CCNI: variants seen among roughly 807,000 people sequenced by gnomAD.
CCNI encodes the protein cyclin I.
Under a neutral mutation model 34.1 loss-of-function variants are expected in CCNI, and 14 were observed. The observed-to-expected ratio is 0.41, with a 90% confidence interval of 0.27 to 0.64. The LOEUF (loss-of-function observed/expected upper bound fraction) is 0.64. CCNI is among the 30% of genes least tolerant of loss of function. The probability of loss-of-function intolerance (pLI) is 0.31; values close to 1 mark genes in which losing one functional copy is unlikely to be tolerated. For missense variants in CCNI, 385 were observed against 440.5 expected, an observed-to-expected ratio of 0.87 and a Z score of 1.13; for synonymous variants, 154 against 158.4, an observed-to-expected ratio of 0.97 and a Z score of 0.21.
At chr4:77,053,409 T>G (rs1708141615) in intron 6 of CCNI, among the ~76,000 whole-genome samples, 1 of 152,122 alleles carries the variant, frequency 6.6e-6, no homozygotes, top group Admixed American at 6.6e-5. Context: ...AAAGATTCTG[T>G]CAAATCCCAG....
intron 2 of CCNI, among the ~76,000 whole-genome samples, chr4:77,061,065 C>T (rs190989117): frequency 1.5e-4 from 23 of 152,204 alleles, no homozygotes; most frequent in African/African-American, 5.5e-4. Flanking sequence ...GGCCCATATA[C>T]CAGATAGTAA....
intron 1 of CCNI, among the ~76,000 whole-genome samples, chr4:77,073,118 C>T (rs1231216342): frequency 2.0e-5 from 3 of 152,340 alleles, no homozygotes; most frequent in East Asian, 3.9e-4. Flanking sequence ...TTGTTGGTTA[C>T]ATCCAACTTT....
chr4:77,048,354 G>C lies in CCNI; in HGVS notation c.999C>G (p.Phe333Leu). Residue 333 changes from phenylalanine (F) to leucine (L), a missense_variant, in exon 7 of 7, where the codon TTC (phenylalanine) becomes TTG (leucine). By Grantham distance (22) the Phe-to-Leu change is conservative. Transcript: ENST00000237654. The part of the protein sequence containing the change: ...RKVEEMEVDD[F>L]YDGIKRLYNE... ...TATAGAGCCGTTTGATTCCATCATA[G>C]AAGTCATCCACTTCCATTTCCTCTA... 6.2e-7 allele frequency: 1 copy of C among 1,605,986 alleles called. No individual in the cohort carries two copies. Among genetic ancestry groups the C allele is most frequent in the Non-Finnish European group, 8.5e-7 (1 of 1,174,122 alleles).
intron 2 of CCNI, among the ~76,000 whole-genome samples, chr4:77,060,554 C>T (rs1199959921): frequency 6.6e-6 from 1 of 151,586 alleles, no homozygotes; most frequent in African/African-American, 2.4e-5. Context: ...ACCTCCCAGC[C>T]CCAAGTGATC....
intron 2 of CCNI, among the ~76,000 whole-genome samples, chr4:77,065,973 C>T (rs1281924320): frequency 6.6e-6 from 1 of 152,120 alleles, no homozygotes; most frequent in African/African-American, 2.4e-5. Flanking sequence ...TGGTAGCATG[C>T]GCCTGTAGTC....
At chr4:77,064,370 G>A (rs1728858960) in intron 2 of CCNI, among the ~76,000 whole-genome samples, 1 of 152,110 alleles carries the variant, frequency 6.6e-6, no homozygotes, top group African/African-American at 2.4e-5. Flanking sequence ...GCTGACTTAA[G>A]GAGATAGCAG....
At chr4:77,056,507 G>A in intron 3 of CCNI, 184 bp from the exon 4 acceptor site, 1 of 518,938 alleles carries the variant, frequency 1.9e-6, no homozygotes, top group Non-Finnish European at 3.5e-6. Flanking sequence ...GAACAGGAAA[G>A]AAAGTTTATT....
chr4:77,055,931 TAAG>T, intron 5 of CCNI, 28 bp downstream of exon 5: 3 of 1,559,370 alleles, frequency 1.9e-6, no homozygotes, highest in Non-Finnish European at 2.6e-6. Flanking sequence ...CACACTCAAA[TAAG>T]AAACTAAAAG....
chr4:77,056,226 A>T, intron 4 of CCNI, 23 bp downstream of exon 4: 6 of 1,606,234 alleles, frequency 3.7e-6, no homozygotes, highest in Non-Finnish European at 4.3e-6. Context: ...CGGAAGAAAC[A>T]TTATCTTGAA....
intron 6 of CCNI, 125 bp from the exon 7 acceptor site, chr4:77,048,787 A>C: frequency 3.6e-6 from 2 of 551,294 alleles, no homozygotes; most frequent in Non-Finnish European, 6.1e-6. Context: ...TTCTCTCCCC[A>C]CATCTACCTC....
Position 77,048,244 on chromosome 4 carries a change from G to T in CCNI, c.1109C>A (p.Pro370His), listed in dbSNP as rs774065228. The change falls in exon 7 of 7, where the codon CCT becomes CAT. Residue 370 changes from proline to histidine, a missense_variant. Physicochemically the swap from Pro to His is moderately conservative, Grantham distance 77 (BLOSUM62 -2). Transcript: ENST00000237654. ...CTACATGACAGAAACAGGCTGCAAA[G>T]GTGGACAAGGGGAAGCATGTCCCTC... is the stretch of plus-strand genomic sequence containing the variant. ...RQEGHASPCP[P>H]LQPVSVM 1.2e-6 allele frequency: 2 copies of T among 1,613,878 alleles called. No individual in the cohort carries two copies. The highest frequency in any genetic ancestry group is 3.3e-5 in the Admixed American group (2 of 60,020).
Position 77,058,636 on chromosome 4 carries a change from C to G in CCNI, c.115-1G>C. ...CATCTCTCTGGGATGGAGAAACATT[C>G]TATAAGGGAACAATTTTGAAAACAG... On this transcript the variant is annotated splice_acceptor_variant, in intron 2 of 6. Coordinates refer to ENST00000237654, the MANE Select transcript of CCNI (RefSeq NM_006835.3). LOFTEE classifies it high-confidence loss of function. 1 of 1,610,052 alleles carries G rather than the reference C, an allele frequency of 6.2e-7. No individual in the cohort carries two copies. Among genetic ancestry groups the G allele is most frequent in the Non-Finnish European group, 8.5e-7 (1 of 1,178,556 alleles).
chr4:77,056,371 C>T, intron 3 of CCNI, 48 bp from the exon 4 acceptor site: 8 of 1,412,126 alleles, frequency 5.7e-6, no homozygotes, highest in Non-Finnish European at 8.0e-6. Flanking sequence ...TTTTCAAAAA[C>T]AATTTAACTT....
At position 77,048,398 on chromosome 4, in the gene CCNI, T is replaced by A. The variant is rs144214818; in HGVS notation, c.955A>T (p.Thr319Ser). Reference sequence around the variant, plus strand: ...TCCTCTACTTTGCGTTTAGTAGAGGTCTGCTTGCACCCACTGGCAGCTGGG... The same window carrying A: ...TCCTCTACTTTGCGTTTAGTAGAGGACTGCTTGCACCCACTGGCAGCTGGG... Reference protein sequence around the residue: ...HLPAASGCKQTSTKRKVEEME... With the variant: ...HLPAASGCKQSSTKRKVEEME... Residue 319 changes from threonine (T) to serine (S), a missense_variant, in exon 7 of 7, where the codon ACC becomes TCC. Physicochemically the swap from Thr to Ser is moderately conservative, Grantham distance 58 (BLOSUM62 1). This residue lies in a region of CCNI where 250 missense variants were observed against 248.7 expected (regional missense o/e 1.01). Coordinates refer to ENST00000237654, the MANE Select transcript of CCNI (RefSeq NM_006835.3). 349 of 1,614,042 alleles carry A rather than the reference T, an allele frequency of 2.2e-4. 1 individual carries two copies. The African/African-American group carries it at 3.8e-3, about 17-fold the overall frequency.
intron 5 of CCNI, 142 bp downstream of exon 5, chr4:77,055,820 T>C (rs1728181788): frequency 1.5e-6 from 1 of 689,056 alleles, no homozygotes. Flanking sequence ...ATGACATATA[T>C]ACTAATTTAT....
At chr4:77,064,999 T>C (rs1728932938) in intron 2 of CCNI, 1 of 152,190 alleles carries the variant, frequency 6.6e-6, no homozygotes, top group Non-Finnish European at 1.5e-5. Context: ...ATTCTATTAC[T>C]TATTAAAGTC....
intron 1 of CCNI, chr4:77,074,693 G>A (rs533098647): frequency 6.6e-6 from 1 of 152,322 alleles, no homozygotes; most frequent in East Asian, 1.9e-4. Flanking sequence ...CGTCATTACT[G>A]TAATGCTCTG....
At chr4:77,068,192 ACAAAC>A (rs1189193358) in intron 1 of CCNI, among the ~76,000 whole-genome samples, 2 of 152,120 alleles carry the variant, frequency 1.3e-5, no homozygotes, top group African/African-American at 4.8e-5. Context: ...AAACAAACAA[ACAAAC>A]AAAAAAGAAT....
At chr4:77,069,732 C>T (rs1416204792) in intron 1 of CCNI, among the ~76,000 whole-genome samples, 1 of 151,840 alleles carries the variant, frequency 6.6e-6, no homozygotes, top group African/African-American at 2.4e-5. Flanking sequence ...GTTTCAACCA[C>T]TGGTGCCCCA....
Sources: gnomAD v4.1 joint callset for allele counts (sites outside exome capture counted in the v4.1 genomes callset) on GRCh38, gnomAD v4.1.1 for gene constraint, gnomAD v4.1.1 regional missense constraint, MANE v1.5 for transcripts, NCBI Gene and HGNC (gene_info 2026-07-23, HGNC 2026-07-21) for gene names.